DPP6: variants seen among roughly 807,000 people sequenced by gnomAD.
DPP6 encodes the protein A-type potassium channel modulatory protein DPP6.
DPP6 carries 69 observed loss-of-function variants against 122.6 expected under a neutral mutation model. The observed-to-expected ratio is 0.56, with a 90% CI of 0.46 to 0.69. DPP6 has a LOEUF of 0.69. DPP6 is among the 30% of genes least tolerant of loss of function. The pLI is 0.00. For synonymous variants in DPP6, 418 were observed against 433.1 expected, an observed-to-expected ratio of 0.97 and a Z score of 0.43; for missense variants, 928 against 1,116.9, an observed-to-expected ratio of 0.83 and a Z score of 2.41.
At chr7:154,719,732 C>G (rs1409282720) in intron 7 of DPP6, among the ~76,000 whole-genome samples, 1 of 152,210 alleles carries the variant, frequency 6.6e-6, no homozygotes, top group Non-Finnish European at 1.5e-5. Flanking sequence ...GGCCTGGAGT[C>G]ACTGCTCTTC....
intron 1 of DPP6, among the ~76,000 whole-genome samples, chr7:154,414,602 A>G (rs1453681113): frequency 6.6e-6 from 1 of 152,132 alleles, no homozygotes; most frequent in East Asian, 1.9e-4. Flanking sequence ...TTACTCAGTC[A>G]TTCCTCAGAG....
intron 1 of DPP6, among the ~76,000 whole-genome samples, chr7:153,966,838 A>G (rs1389164726): frequency 6.6e-6 from 1 of 151,390 alleles, no homozygotes; most frequent in Non-Finnish European, 1.5e-5. Flanking sequence ...AGGCTGAGAC[A>G]GGCAGATCAC....
At chr7:154,063,087 CGCCCCTGGCTGTT>C (rs1802257258) in intron 1 of DPP6, among the ~76,000 whole-genome samples, 1 of 131,508 alleles carries the variant, frequency 7.6e-6, no homozygotes, top group Non-Finnish European at 1.7e-5. Context: ...TCCCCTCTTC[CGCCCCTGGCTGTT>C]AGTACCCCCA....
At chr7:154,289,926 G>T (rs1175320391) in intron 1 of DPP6, among the ~76,000 whole-genome samples, 1 of 152,144 alleles carries the variant, frequency 6.6e-6, no homozygotes, top group Non-Finnish European at 1.5e-5. Context: ...GAACCAAGGA[G>T]CCCATAGGTT....
chr7:153,938,777 A>G (rs889820521), intron 1 of DPP6, among the ~76,000 whole-genome samples: 3 of 152,224 alleles, frequency 2.0e-5, no homozygotes, highest in Non-Finnish European at 4.4e-5. Flanking sequence ...AAAAATTCAC[A>G]TCCATAAAAG....
the DPP6 span, among the ~76,000 whole-genome samples, chr7:153,812,313 C>A: frequency 6.6e-6 from 1 of 151,864 alleles, no homozygotes; most frequent in Admixed American, 6.6e-5. Context: ...AAACATGATA[C>A]CTATTTCCAC....
intron 1 of DPP6, among the ~76,000 whole-genome samples, chr7:154,083,195 AGTT>A (rs879750791): frequency 2.6e-5 from 4 of 151,958 alleles, no homozygotes; most frequent in African/African-American, 9.7e-5. Context: ...GGAGTCGGTT[AGTT>A]GTTGTGCTTC....
At chr7:154,647,696 T>C (rs1411537936) in intron 6 of DPP6, among the ~76,000 whole-genome samples, 4 of 152,228 alleles carry the variant, frequency 2.6e-5, no homozygotes, top group Non-Finnish European at 5.9e-5. Context: ...CGCCAGATGT[T>C]ACAGGTCACT....
chr7:153,861,439 A>C, the DPP6 span, among the ~76,000 whole-genome samples: 1 of 152,212 alleles, frequency 6.6e-6, no homozygotes, highest in Non-Finnish European at 1.5e-5. Flanking sequence ...CATATTCAAA[A>C]GATGCATATG....
At chr7:154,615,875 A>G (rs1454932760) in intron 5 of DPP6, among the ~76,000 whole-genome samples, 1 of 152,140 alleles carries the variant, frequency 6.6e-6, no homozygotes, top group Non-Finnish European at 1.5e-5. Flanking sequence ...TGTCCTCATT[A>G]AACACTGACT....
intron 1 of DPP6, among the ~76,000 whole-genome samples, chr7:154,154,108 A>G (rs1424074918): frequency 1.3e-5 from 2 of 152,240 alleles, no homozygotes; most frequent in Non-Finnish European, 2.9e-5. Context: ...GAAAAGTCCA[A>G]AGTTGGCTGC....
rs901992124 is a variant in DPP6 at position 154,892,604 on chromosome 7, T to C, written c.*124T>C. Reference sequence around the variant, plus strand: ...GCGGGGCCGGGTGTTCCATAGCATGTGTGTCTCGGATGCGGAAGGCAGTTT... The same window carrying C: ...GCGGGGCCGGGTGTTCCATAGCATGCGTGTCTCGGATGCGGAAGGCAGTTT... On this transcript the variant is annotated 3_prime_UTR_variant, in exon 26 of 26. Transcript: ENST00000377770. 1.3e-6 allele frequency: 2 copies of C among 1,535,810 alleles called. No individual in the cohort carries two copies. Among genetic ancestry groups the C allele is most frequent in the East Asian group, 2.3e-5 (1 of 44,256 alleles).
intron 1 of DPP6, among the ~76,000 whole-genome samples, chr7:154,186,223 C>T (rs930641935): frequency 2.2e-4 from 34 of 152,198 alleles, no homozygotes; most frequent in African/African-American, 7.5e-4. Context: ...TGTTGAGTGT[C>T]ACATTTTCTA....
the DPP6 span, among the ~76,000 whole-genome samples, chr7:153,778,799 T>C: frequency 2.6e-5 from 4 of 151,222 alleles, no homozygotes; most frequent in African/African-American, 9.8e-5. Flanking sequence ...AGTTAGACAT[T>C]CCTTTACCAT....
At chr7:154,166,236 A>G (rs1481779547) in intron 1 of DPP6, among the ~76,000 whole-genome samples, 1 of 152,106 alleles carries the variant, frequency 6.6e-6, no homozygotes, top group Non-Finnish European at 1.5e-5. Context: ...GCTGGGGGAA[A>G]TGCAAAGCCA....
chr7:154,291,090 C>T (rs1805178917), intron 1 of DPP6, among the ~76,000 whole-genome samples: 1 of 152,172 alleles, frequency 6.6e-6, no homozygotes, highest in South Asian at 2.1e-4. Flanking sequence ...AGCCACCGCT[C>T]CCCTCCAAAA....
At chr7:154,769,120 T>G (rs891175609) in intron 8 of DPP6, among the ~76,000 whole-genome samples, 3 of 152,244 alleles carry the variant, frequency 2.0e-5, no homozygotes, top group African/African-American at 7.2e-5. Context: ...GGGCTCATAG[T>G]GCTCAAATGT....
At chr7:153,772,764 CAAT>C in the DPP6 span, among the ~76,000 whole-genome samples, 2 of 148,308 alleles carry the variant, frequency 1.3e-5, no homozygotes, top group Admixed American at 6.7e-5. Context: ...AAAAGAAAAA[CAAT>C]AAAATCATTA....
intron 1 of DPP6, among the ~76,000 whole-genome samples, chr7:154,155,762 G>A (rs1172702931): frequency 6.6e-6 from 1 of 152,190 alleles, no homozygotes; most frequent in Non-Finnish European, 1.5e-5. Context: ...TCTCTCAGAC[G>A]GCTGGCCCTT....
Sources: allele counts gnomAD v4.1 joint callset (sites outside exome capture counted in the v4.1 genomes callset), GRCh38; gene constraint gnomAD v4.1.1; transcripts MANE v1.5; gene names NCBI Gene and HGNC (gene_info 2026-07-23, HGNC 2026-07-21).